Variants in BRAF observed in about 807,000 individuals in gnomAD.
BRAF encodes B-Raf proto-oncogene, serine/threonine kinase.
A neutral mutation model predicts 104.6 loss-of-function variants in BRAF; 16 were observed. The ratio of observed to expected loss-of-function variants is 0.15; its 90% CI spans 0.10 to 0.23. The LOEUF (loss-of-function observed/expected upper bound fraction) is 0.23, where lower values mean the gene tolerates loss of function less well. BRAF is among the 10% of genes least tolerant of loss of function. The pLI is 1.00. For synonymous variants in BRAF, 310 were observed against 341.6 expected, an observed-to-expected ratio of 0.91 and a Z score of 1.02; for missense variants, 541 against 937.3, an observed-to-expected ratio of 0.58 and a Z score of 5.52.
intron 3 of BRAF, among the ~76,000 whole-genome samples, chr7:140,832,094 CTGTTT>C (rs1806826222): frequency 6.6e-6 from 1 of 152,190 alleles, no homozygotes; most frequent in Non-Finnish European, 1.5e-5. Flanking sequence ...GAATCCTATC[CTGTTT>C]TATTATTCTT....
chr7:140,722,698 T>TA lies in BRAF; in HGVS notation c.*3795_*3796insT, dbSNP rs1310763548. On this transcript the variant is annotated 3_prime_UTR_variant, in exon 20 of 20. Transcript: ENST00000644969. ...CTTAGCTGGGTGGTCTTTCTATGAA[T>TA]GCCTGTGCATGTGACAAAGCTGCAG... The TA allele has an allele frequency of 9.5e-7, 1 of 1,051,190 alleles. No individual in the cohort carries two copies. Among genetic ancestry groups the TA allele is most frequent in the Non-Finnish European group, 1.1e-6 (1 of 870,536 alleles). The allele number at this position is 1,051,190 out of a possible 1,614,324, so 65.1% of individuals were successfully genotyped here. A position where few individuals can be genotyped will look rare whatever the true frequency, so the allele number is the denominator to read the frequency against.
chr7:140,763,365 G>A (rs1202476887), intron 14 of BRAF, among the ~76,000 whole-genome samples: 4 of 150,282 alleles, frequency 2.7e-5, no homozygotes, highest in Admixed American at 2.0e-4. Context: ...CCCGGACGGG[G>A]CAGCTGGCTG....
intron 1 of BRAF, among the ~76,000 whole-genome samples, chr7:140,876,977 T>C (rs1391265573): frequency 6.6e-6 from 1 of 151,910 alleles, no homozygotes; most frequent in Admixed American, 6.6e-5. Flanking sequence ...AAATAGAAAG[T>C]TAATAGGAAA....
intron 3 of BRAF, among the ~76,000 whole-genome samples, chr7:140,810,566 T>TC (rs1804149860): frequency 6.6e-6 from 1 of 152,010 alleles, no homozygotes; most frequent in African/African-American, 2.4e-5. Context: ...CGAGATACTG[T>TC]CACAAACAAA....
chr7:140,784,748 G>A (rs1426267129), intron 10 of BRAF, among the ~76,000 whole-genome samples: 1 of 151,892 alleles, frequency 6.6e-6, no homozygotes, highest in Admixed American at 6.6e-5. Flanking sequence ...GGGTTCAAGC[G>A]ATTCTCCAGC....
chr7:140,725,715 A>T lies in BRAF; in HGVS notation c.*779T>A. 9.4e-7 allele frequency: 1 copy of T among 1,058,782 alleles called. No homozygotes were observed. Among genetic ancestry groups the T allele is most frequent in the Non-Finnish European group, 1.1e-6 (1 of 875,432 alleles). 65.6% of individuals were successfully genotyped at this position (1,058,782 alleles called of 1,614,324 possible). A position where few individuals can be genotyped will look rare whatever the true frequency, so the allele number is the denominator to read the frequency against. On this transcript the variant is annotated 3_prime_UTR_variant, in exon 20 of 20. Transcript: ENST00000644969. ...ATTGTGGAGGAAAAAAAAAAAACCC[A>T]AACACTTATCTTCATTGCTGGACCC...
chr7:140,882,968 G>A (rs1412836885), intron 1 of BRAF, among the ~76,000 whole-genome samples: 1 of 151,028 alleles, frequency 6.6e-6, no homozygotes, highest in Non-Finnish European at 1.5e-5. Context: ...CACTCCAGCT[G>A]GGGAACAAGA....
In BRAF at chr7:140,734,721, C is replaced by T. The variant is rs777533608; in HGVS notation, c.2297G>A (p.Arg766His). The T allele has an allele frequency of 3.8e-6, 6 of 1,588,572 alleles. No homozygotes were observed. The highest frequency in any genetic ancestry group is 1.5e-5 in the African/African-American group (1 of 68,428). Residue 766 changes from arginine (R) to histidine (H), a missense_variant, in exon 19 of 20, where the codon CGC (arginine) becomes CAC (histidine). Around this residue, in one of 10 missense-constraint regions of BRAF, gnomAD observed 129 missense variants for 285.8 expected, o/e 0.45. Coordinates refer to ENST00000644969, the MANE Select transcript of BRAF (RefSeq NM_001374258.1). ...LLARSLPKIH[R>H]SASEPSLNRA... ...ATTCAAGGAGGGTTCTGATGCACTG[C>T]GGTGAATTTTTGGCAATGAGCGGGC... is the stretch of plus-strand genomic sequence containing the variant.
At chr7:140,825,783 A>T (rs1805981937) in intron 3 of BRAF, among the ~76,000 whole-genome samples, 1 of 152,030 alleles carries the variant, frequency 6.6e-6, no homozygotes, top group South Asian at 2.1e-4. Context: ...GCCATAACAA[A>T]TTTTCCTAGT....
intron 2 of BRAF, among the ~76,000 whole-genome samples, chr7:140,844,665 C>T (rs1194636410): frequency 3.3e-5 from 5 of 152,202 alleles, no homozygotes; most frequent in Non-Finnish European, 7.3e-5. Flanking sequence ...GTGGCTTGCA[C>T]CTGTAATCCC....
intron 2 of BRAF, among the ~76,000 whole-genome samples, chr7:140,848,659 T>G (rs1443626601): frequency 2.6e-5 from 4 of 152,232 alleles, no homozygotes; most frequent in African/African-American, 9.6e-5. Context: ...TAATTCTGAT[T>G]AATAAAAAAT....
At chr7:140,915,521 G>A (rs575313060) in intron 1 of BRAF, among the ~76,000 whole-genome samples, 1 of 148,750 alleles carries the variant, frequency 6.7e-6, no homozygotes, top group East Asian at 2.0e-4. Flanking sequence ...TGCAACCTCC[G>A]CCTCCCAGGT....
intron 3 of BRAF, among the ~76,000 whole-genome samples, chr7:140,828,426 T>A (rs1806318904): frequency 6.6e-6 from 1 of 152,206 alleles, no homozygotes; most frequent in Non-Finnish European, 1.5e-5. Context: ...GTTTTTCTAT[T>A]GAGCTCAGCT....
chr7:140,900,936 G>T (rs1815559193), intron 1 of BRAF, among the ~76,000 whole-genome samples: 1 of 152,122 alleles, frequency 6.6e-6, no homozygotes, highest in Admixed American at 6.6e-5. Flanking sequence ...AAGTCCCTCA[G>T]ACGCTCCACA....
intron 1 of BRAF, among the ~76,000 whole-genome samples, chr7:140,923,516 A>G (rs966326784): frequency 6.6e-6 from 1 of 152,214 alleles, no homozygotes; most frequent in Non-Finnish European, 1.5e-5. Flanking sequence ...AAAGGAAAAA[A>G]ATAGGACAAA....
At chr7:140,733,541 C>T (rs909494655) in intron 19 of BRAF, 7 of 152,156 alleles carry the variant, frequency 4.6e-5, no homozygotes, top group African/African-American at 1.7e-4. Flanking sequence ...CTAAAGAACC[C>T]TAACAAATAC....
At chr7:140,767,767 G>A (rs1459226512) in intron 14 of BRAF, among the ~76,000 whole-genome samples, 1 of 152,124 alleles carries the variant, frequency 6.6e-6, no homozygotes, top group Non-Finnish European at 1.5e-5. Flanking sequence ...AGTACCTGGG[G>A]CAAGTTACTT....
At chr7:140,885,859 A>T (rs1813505583) in intron 1 of BRAF, among the ~76,000 whole-genome samples, 1 of 152,228 alleles carries the variant, frequency 6.6e-6, no homozygotes, top group South Asian at 2.1e-4. Context: ...TGTTAAGTGT[A>T]TGTGGGAGTA....
At chr7:140,857,191 T>C (rs528293168) in intron 1 of BRAF, among the ~76,000 whole-genome samples, 1 of 152,274 alleles carries the variant, frequency 6.6e-6, no homozygotes, top group African/African-American at 2.4e-5. Context: ...TTACTATAGA[T>C]GATTAGGTGA....
Sources: allele counts gnomAD v4.1 joint callset (sites outside exome capture counted in the v4.1 genomes callset), GRCh38; gene constraint gnomAD v4.1.1; regional missense constraint gnomAD v4.1.1; transcripts MANE v1.5; gene names NCBI Gene and HGNC (gene_info 2026-07-23, HGNC 2026-07-21).